Variants in RYR3 observed in about 807,000 individuals in gnomAD.
RYR3 encodes ryanodine receptor 3.
Under a neutral mutation model 584.3 loss-of-function variants are expected in RYR3, and 207 were observed. That is an observed-to-expected ratio of 0.35 (90% CI 0.32 to 0.40). The LOEUF is 0.40. RYR3 is among the 10% of genes least tolerant of loss of function. The pLI is 1.00. For missense variants in RYR3, 5,616 were observed against 6,089.2 expected, an observed-to-expected ratio of 0.92 and a Z score of 2.59; for synonymous variants, 2,416 against 2,248.5, an observed-to-expected ratio of 1.07 and a Z score of -2.11.
At position 33,662,922 on chromosome 15, in the gene RYR3, C is replaced by T. The variant is rs1260393474; in HGVS notation, c.5392C>T (p.Arg1798Ter). 5 of 1,612,738 alleles carry T rather than the reference C, an allele frequency of 3.1e-6. No individual in the cohort carries two copies. The highest frequency in any genetic ancestry group is 3.4e-6 in the Non-Finnish European group (4 of 1,179,622). ...TCCTGTCAAAGGCTTGTTGCAGACTCGATTACCCGAATCCGTCAAGCTGCA... is the reference window on the plus strand; with the variant it reads ...TCCTGTCAAAGGCTTGTTGCAGACTTGATTACCCGAATCCGTCAAGCTGCA... ...EAPVKGLLQTRLPESVKLQMC... is the reference protein window; with the variant it reads ...EAPVKGLLQT Residue 1798 changes from arginine (R) to a stop codon, truncating the protein, a stop_gained, in exon 35 of 104, where the codon CGA becomes TGA. Transcript: ENST00000634891. LOFTEE classifies it high-confidence loss of function.
At chr15:33,842,056 C>G (rs1382788339) in intron 91 of RYR3, 21 bp downstream of exon 91, 1 of 1,587,534 alleles carries the variant, frequency 6.3e-7, no homozygotes, top group East Asian at 2.3e-5. Flanking sequence ...CAACCTTGGC[C>G]CTGTTCATGG....
intron 14 of RYR3, among the ~76,000 whole-genome samples, chr15:33,581,995 G>C (rs781674616): frequency 1.3e-5 from 2 of 152,174 alleles, no homozygotes; most frequent in Admixed American, 1.3e-4. Flanking sequence ...TGTACTTTAA[G>C]AATTGTTATT....
chr15:33,666,676 G>A (rs2063510424), intron 36 of RYR3, among the ~76,000 whole-genome samples: 1 of 152,200 alleles, frequency 6.6e-6, no homozygotes, highest in Non-Finnish European at 1.5e-5. Context: ...CCTATGTCCA[G>A]AGAGTATTCA....
intron 67 of RYR3, among the ~76,000 whole-genome samples, chr15:33,792,144 G>A (rs148402766): frequency 6.6e-6 from 1 of 152,316 alleles, no homozygotes; most frequent in East Asian, 1.9e-4. Flanking sequence ...AGTGAGATAT[G>A]TGCTAAAAGC....
chr15:33,330,643 C>T (rs1970271800), intron 1 of RYR3, among the ~76,000 whole-genome samples: 2 of 152,212 alleles, frequency 1.3e-5, no homozygotes, highest in Middle Eastern at 6.8e-3. Context: ...ACTATGCTCC[C>T]AGATAGTTGT....
At chr15:33,757,066 T>G (rs1458407937) in intron 59 of RYR3, among the ~76,000 whole-genome samples, 1 of 152,146 alleles carries the variant, frequency 6.6e-6, no homozygotes, top group Non-Finnish European at 1.5e-5. Context: ...CATACAGCCC[T>G]GCTCAGAGGA....
chr15:33,784,170 G>A (rs2074562461), intron 65 of RYR3, among the ~76,000 whole-genome samples: 1 of 152,224 alleles, frequency 6.6e-6, no homozygotes, highest in African/African-American at 2.4e-5. Flanking sequence ...TGTCTCAGCT[G>A]CAGATTCATT....
At chr15:33,833,870 A>G (rs1044830826) in intron 86 of RYR3, among the ~76,000 whole-genome samples, 4 of 152,222 alleles carry the variant, frequency 2.6e-5, no homozygotes, top group African/African-American at 4.8e-5. Flanking sequence ...TTAGGGTAAT[A>G]TATGTGTTCC....
chr15:33,374,364 ATGTGTGTGTGTGTG>A (rs138831585), intron 1 of RYR3, among the ~76,000 whole-genome samples: 8 of 145,026 alleles, frequency 5.5e-5, no homozygotes, highest in South Asian at 2.3e-4. Context: ...GTACGAGTGT[ATGTGTGTGTGTGTG>A]TGTGTGTGTG....
intron 1 of RYR3, among the ~76,000 whole-genome samples, chr15:33,366,865 T>C (rs921127993): frequency 2.0e-5 from 3 of 150,652 alleles, no homozygotes; most frequent in Non-Finnish European, 4.4e-5. Flanking sequence ...AGGGATGAAT[T>C]TGAGCCCAAC....
chr15:33,356,432 C>A (rs1303518229), intron 1 of RYR3, among the ~76,000 whole-genome samples: 2 of 152,156 alleles, frequency 1.3e-5, no homozygotes, highest in Non-Finnish European at 2.9e-5. Flanking sequence ...ATGAAAGTGG[C>A]CCTCTGGTTA....
chr15:33,724,966 C>T (rs935861214), intron 45 of RYR3, among the ~76,000 whole-genome samples: 3 of 151,924 alleles, frequency 2.0e-5, no homozygotes, highest in African/African-American at 7.3e-5. Context: ...ACAGTCTTGG[C>T]GGGGGTGGAG....
chr15:33,502,528 A>C (rs532493309), intron 2 of RYR3, among the ~76,000 whole-genome samples: 1 of 152,346 alleles, frequency 6.6e-6, no homozygotes, highest in South Asian at 2.1e-4. Context: ...AGGTGATCAC[A>C]AGCTGTATTC....
At chr15:33,345,850 T>TA (rs1268882145) in intron 1 of RYR3, among the ~76,000 whole-genome samples, 3 of 152,248 alleles carry the variant, frequency 2.0e-5, no homozygotes, top group Admixed American at 6.5e-5. Flanking sequence ...TGAAAATCCT[T>TA]AATCATTCCA....
intron 97 of RYR3, 51 bp downstream of exon 97, chr15:33,854,500 CCA>C: frequency 6.9e-7 from 1 of 1,445,868 alleles, no homozygotes. Context: ...TTCAGGGATG[CCA>C]CAGAGAAGCA....
chr15:33,537,427 T>C (rs1444420744), intron 5 of RYR3, among the ~76,000 whole-genome samples: 2 of 151,472 alleles, frequency 1.3e-5, no homozygotes, highest in Non-Finnish European at 2.9e-5. Flanking sequence ...TGGAACACAT[T>C]ATCTAGTAAC....
chr15:33,636,503 C>T lies in RYR3; in HGVS notation c.3509C>T (p.Thr1170Ile), dbSNP rs781381867. Residue 1170 changes from threonine to isoleucine, a missense_variant, in exon 27 of 104, where the codon ACC becomes ATC. By Grantham distance (89) the Thr-to-Ile change is moderately conservative. Coordinates refer to ENST00000634891, the MANE Select transcript of RYR3 (RefSeq NM_001036.6). ...ACACTGAATGGGGAGCTGCTGATCACCAACAAAGGCTCTGAACTTGCCTTC... is the reference window on the plus strand; with the variant it reads ...ACACTGAATGGGGAGCTGCTGATCATCAACAAAGGCTCTGAACTTGCCTTC... ...IFTLNGELLI[T>I]NKGSELAFAD... 1 of 1,611,172 alleles carries T rather than the reference C, an allele frequency of 6.2e-7. No homozygotes were observed. Among genetic ancestry groups the T allele is most frequent in the African/African-American group, 1.3e-5 (1 of 74,748 alleles).
At chr15:33,801,780 C>T in intron 68 of RYR3, 89 bp from the exon 69 acceptor site, 1 of 689,218 alleles carries the variant, frequency 1.5e-6, no homozygotes, top group Non-Finnish European at 2.5e-6. Flanking sequence ...GAGGAGGGGT[C>T]TATTCCGTTA....
At chr15:33,459,070 G>A (rs1236699624) in intron 1 of RYR3, among the ~76,000 whole-genome samples, 1 of 152,140 alleles carries the variant, frequency 6.6e-6, no homozygotes, top group African/African-American at 2.4e-5. Context: ...CTGTGACCTG[G>A]GAAGTGCTTC....
Sources: allele counts gnomAD v4.1 joint callset (sites outside exome capture counted in the v4.1 genomes callset), GRCh38; gene constraint gnomAD v4.1.1; transcripts MANE v1.5; gene names NCBI Gene and HGNC (gene_info 2026-07-23, HGNC 2026-07-21).